LINGO1: variants seen among roughly 807,000 people sequenced by gnomAD.
The protein encoded by LINGO1 is leucine-rich repeat and immunoglobulin-like domain-containing nogo receptor-interacting protein 1.
In LINGO1, 11 loss-of-function variants were observed where a neutral mutation model predicts 37.3. The ratio of observed to expected loss-of-function variants is 0.29; its 90% CI spans 0.19 to 0.49. The LOEUF (loss-of-function observed/expected upper bound fraction) is 0.49, where lower values mean the gene tolerates loss of function less well. Among genes scored for constraint, LINGO1 ranks in the 20% least tolerant of loss-of-function variants. The pLI is 0.99. For missense variants in LINGO1, 585 were observed against 878.2 expected, an observed-to-expected ratio of 0.67 and a Z score of 4.22; for synonymous variants, 387 against 403.0, an observed-to-expected ratio of 0.96 and a Z score of 0.48.
chr15:77,815,654 G>A (rs2077041805), intron 1 of LINGO1, among the ~76,000 whole-genome samples: 1 of 152,106 alleles, frequency 6.6e-6, no homozygotes, highest in African/African-American at 2.4e-5. Context: ...TGCCACCTCT[G>A]TATGCCCAGG....
At chr15:77,675,074 G>A (rs8028808) in intron 3 of LINGO1, among the ~76,000 whole-genome samples, 34,080 of 152,022 alleles carry the variant, frequency 0.22, 5,046 homozygotes, top group African/African-American at 0.42. Flanking sequence ...AAGAAACATA[G>A]AGTAAAATCA....
At chr15:77,625,974 C>A (rs1877294) in intron 1 of LINGO1, among the ~76,000 whole-genome samples, 3 of 152,048 alleles carry the variant, frequency 2.0e-5, no homozygotes, top group Non-Finnish European at 4.4e-5. Context: ...CCCCACCAAC[C>A]CTCACCACGT....
chr15:77,774,977 A>C (rs78788236), intron 1 of LINGO1, among the ~76,000 whole-genome samples: 2,092 of 152,310 alleles, frequency 0.014, 54 homozygotes, highest in African/African-American at 0.048. Flanking sequence ...ACAGCAAGTC[A>C]GAACCTGGCT....
intron 3 of LINGO1, among the ~76,000 whole-genome samples, chr15:77,649,914 T>C (rs1379831336): frequency 6.6e-6 from 1 of 152,154 alleles, no homozygotes; most frequent in Non-Finnish European, 1.5e-5. Flanking sequence ...GGGTTGGTTA[T>C]GGCAAAACAG....
chr15:77,722,877 C>T (rs1447660691), intron 2 of LINGO1, among the ~76,000 whole-genome samples: 1 of 152,164 alleles, frequency 6.6e-6, no homozygotes, highest in Non-Finnish European at 1.5e-5. Context: ...TCTCCAGCCC[C>T]TCACGCAGTA....
chr15:77,711,800 C>A (rs2141293508), intron 2 of LINGO1, among the ~76,000 whole-genome samples: 1 of 152,352 alleles, frequency 6.6e-6, no homozygotes, highest in East Asian at 1.9e-4. Flanking sequence ...CACTGACTTT[C>A]AAGCAGACCC....
intron 1 of LINGO1, among the ~76,000 whole-genome samples, chr15:77,781,565 TG>T (rs2076716963): frequency 6.6e-6 from 1 of 152,212 alleles, no homozygotes. Context: ...TTAGAAGGCT[TG>T]GGGGTGGGAG....
At chr15:77,743,292 C>T (rs1202225364) in intron 1 of LINGO1, among the ~76,000 whole-genome samples, 1 of 152,154 alleles carries the variant, frequency 6.6e-6, no homozygotes, top group Non-Finnish European at 1.5e-5. Context: ...AAGCACCCAG[C>T]GTTCTCCAGG....
chr15:77,634,244 G>GC, upstream of LINGO1: 1 of 456,060 alleles, frequency 2.2e-6, no homozygotes. Flanking sequence ...TCGCTGTTCA[G>GC]CCTCACACAC....
chr15:77,656,224 C>T (rs1037168038), intron 3 of LINGO1, among the ~76,000 whole-genome samples: 2 of 152,182 alleles, frequency 1.3e-5, no homozygotes, highest in African/African-American at 4.8e-5. Flanking sequence ...CTCCAGACCC[C>T]ACTTTGGCCC....
At chr15:77,666,841 AG>A (rs1344569347) in intron 3 of LINGO1, 2 of 152,314 alleles carry the variant, frequency 1.3e-5, no homozygotes, top group Non-Finnish European at 2.9e-5. Context: ...AGTTCAGAGC[AG>A]CCCCAGACTA....
intron 2 of LINGO1, among the ~76,000 whole-genome samples, chr15:77,709,528 T>C (rs2075892778): frequency 6.6e-6 from 1 of 152,264 alleles, no homozygotes. Context: ...TCAGGCTCAC[T>C]GCCCTGGGTC....
upstream of LINGO1, among the ~76,000 whole-genome samples, chr15:77,790,872 G>A (rs2076813495): frequency 6.6e-6 from 1 of 152,168 alleles, no homozygotes; most frequent in Admixed American, 6.5e-5. Context: ...AGAGAGTGAG[G>A]TCCCTGTCCC....
intron 1 of LINGO1, among the ~76,000 whole-genome samples, chr15:77,767,310 A>G (rs1478356186): frequency 6.6e-6 from 1 of 152,208 alleles, no homozygotes; most frequent in Non-Finnish European, 1.5e-5. Context: ...CTCCTTTAAA[A>G]TTCTGGGGGA....
chr15:77,689,508 G>C (rs533465505), intron 2 of LINGO1, among the ~76,000 whole-genome samples: 1 of 152,164 alleles, frequency 6.6e-6, no homozygotes, highest in Admixed American at 6.5e-5. Context: ...CCACAAATGG[G>C]GGCCACCTCA....
chr15:77,697,677 G>A (rs1471295993), upstream of LINGO1, among the ~76,000 whole-genome samples: 2 of 152,208 alleles, frequency 1.3e-5, no homozygotes, highest in Non-Finnish European at 2.9e-5. Flanking sequence ...AGCACAGGAA[G>A]GTGAGAGATG....
chr15:77,765,174 G>A (rs969388245), intron 1 of LINGO1, among the ~76,000 whole-genome samples: 2 of 152,162 alleles, frequency 1.3e-5, no homozygotes, highest in African/African-American at 4.8e-5. Context: ...CAGCACTTTG[G>A]GAGGCCGAGG....
chr15:77,814,380 T>A (rs2077031864), intron 1 of LINGO1, among the ~76,000 whole-genome samples: 1 of 152,196 alleles, frequency 6.6e-6, no homozygotes, highest in Non-Finnish European at 1.5e-5. Flanking sequence ...GCCTACTTTA[T>A]TGGAACTACC....
chr15:77,717,585 G>T (rs1220399780), intron 2 of LINGO1, among the ~76,000 whole-genome samples: 1 of 150,890 alleles, frequency 6.6e-6, no homozygotes, highest in Non-Finnish European at 1.5e-5. Flanking sequence ...CAGAAGCTCA[G>T]CCCCGATAGT....
Sources: allele counts gnomAD v4.1 joint callset (sites outside exome capture counted in the v4.1 genomes callset), GRCh38; gene constraint gnomAD v4.1.1; transcripts MANE v1.5; gene names NCBI Gene and HGNC (gene_info 2026-07-23, HGNC 2026-07-21).